Variants in IKZF2 observed in about 807,000 individuals in gnomAD.
IKZF2 encodes zinc finger protein Helios.
IKZF2 carries 15 observed loss-of-function variants against 49.2 expected under a neutral mutation model. That is an observed-to-expected ratio of 0.30 (90% confidence interval 0.20 to 0.47). IKZF2 has a LOEUF of 0.47. Among genes scored for constraint, IKZF2 ranks in the 20% least tolerant of loss-of-function variants. The probability of loss-of-function intolerance (pLI) is 1.00; values close to 1 mark genes in which losing one functional copy is unlikely to be tolerated. For missense variants in IKZF2, 567 were observed against 664.6 expected, an observed-to-expected ratio of 0.85 and a Z score of 1.61; for synonymous variants, 227 against 221.4, an observed-to-expected ratio of 1.03 and a Z score of -0.23.
intron 3 of IKZF2, 82 bp downstream of exon 3, chr2:213,148,514 T>C: frequency 1.1e-6 from 1 of 938,378 alleles, no homozygotes; most frequent in South Asian, 1.5e-5. Context: ...CTCAATAAAG[T>C]TTCATAATCC....
chr2:213,151,852 C>CGTGTGCGCGCGCGCGCGGGCTG (rs2126007402), upstream of IKZF2, among the ~76,000 whole-genome samples: 1 of 149,882 alleles, frequency 6.7e-6, no homozygotes, highest in East Asian at 1.9e-4. Flanking sequence ...TATGAGAGCG[C>CGTGTGCGCGCGCGCGCGGGCTG]GTGTGCGCGC....
At position 213,005,100 on chromosome 2, in the gene IKZF2, AG is replaced by A. The variant is rs1207105882; in HGVS notation, c.*2259del. ...ACATCCAAATGTTTCCTTAAATTGC[AG>A]TAAAAGACAAAATTGTGAACCTTAA... On this transcript the variant is annotated 3_prime_UTR_variant, in exon 9 of 9. Transcript: ENST00000434687. 3 of 151,766 alleles carry A rather than the reference AG, an allele frequency of 2.0e-5. No homozygotes were observed. Among genetic ancestry groups the A allele is most frequent in the African/African-American group, 7.3e-5 (3 of 41,266 alleles). The allele number at this position is 151,766 out of a possible 1,614,324, so 9.4% of individuals were successfully genotyped here.
Position 213,087,211 on chromosome 2 carries a change from A to C in IKZF2, c.140-30112T>G, listed in dbSNP as rs77394762. ...GCAGAGGAAAAAAAATGCTAATTTA[A>C]ACACTGCCTGTTGCTGTATTTGACT... On this transcript the variant is annotated intron_variant, in intron 4 of 8. Transcript: ENST00000434687. Among the ~76,000 whole-genome samples, 878 of 152,288 alleles carry C rather than the reference A, an allele frequency of 5.8e-3. 11 individuals are homozygous for C. The highest frequency in any genetic ancestry group is 0.02 in the African/African-American group (846 of 41,552).
chr2:213,151,845 G>C (rs1411524854), upstream of IKZF2, among the ~76,000 whole-genome samples: 1 of 149,766 alleles, frequency 6.7e-6, no homozygotes, highest in Non-Finnish European at 1.5e-5. Context: ...GTGTGTGTAT[G>C]AGAGCGCGTG....
intron 4 of IKZF2, among the ~76,000 whole-genome samples, chr2:213,058,482 T>C (rs1701378522): frequency 6.6e-6 from 1 of 151,968 alleles, no homozygotes; most frequent in Non-Finnish European, 1.5e-5. Context: ...CCTGGATATA[T>C]AGTGCTCTAT....
intron 7 of IKZF2, 131 bp from the exon 8 acceptor site, chr2:213,014,065 C>A: frequency 2.7e-6 from 2 of 730,274 alleles, no homozygotes; most frequent in Non-Finnish European, 2.3e-6. Flanking sequence ...AGAAAGAATA[C>A]CCTCTAGTGT....
At chr2:213,143,403 T>G (rs980521281) in intron 4 of IKZF2, among the ~76,000 whole-genome samples, 2 of 151,954 alleles carry the variant, frequency 1.3e-5, no homozygotes, top group Non-Finnish European at 2.9e-5. Context: ...CGGAATGAGG[T>G]GCAAAGAAAA....
chr2:213,130,390 T>G (rs1368693991), intron 4 of IKZF2, among the ~76,000 whole-genome samples: 1 of 152,152 alleles, frequency 6.6e-6, no homozygotes, highest in Non-Finnish European at 1.5e-5. Context: ...TCATCAAAGC[T>G]GTGCCTACCT....
intron 6 of IKZF2, among the ~76,000 whole-genome samples, chr2:213,042,418 C>G (rs7562970): frequency 0.57 from 87,091 of 151,990 alleles, 25,862 homozygotes; most frequent in East Asian, 0.76. Context: ...GGAGCTCATA[C>G]GTTCTTCTTT....
chr2:213,120,717 C>A (rs2060025659), intron 4 of IKZF2, among the ~76,000 whole-genome samples: 1 of 152,096 alleles, frequency 6.6e-6, no homozygotes, highest in Non-Finnish European at 1.5e-5. Context: ...TACAATTAGT[C>A]CTAAGAAATC....
Position 213,007,746 on chromosome 2 carries a change from A to G in IKZF2, c.1195T>C (p.Ser399Pro). The G allele has an allele frequency of 6.2e-7, 1 of 1,613,632 alleles. No individual in the cohort carries two copies. Among genetic ancestry groups the G allele is most frequent in the Admixed American group, 1.7e-5 (1 of 59,948 alleles). Residue 399 changes from serine (S) to proline (P), a missense_variant, in exon 9 of 9, where the codon TCT becomes CCT. By Grantham distance (74) the Ser-to-Pro change is moderately conservative. This residue lies in a region of IKZF2 where 310 missense variants were observed against 326.9 expected (regional missense o/e 0.95). Transcript: ENST00000434687. ...GAATCCAGGCAGCTATTGCTGGGAG[A>G]GGCCTCTCTTTCCTGGGGTCGACTC... The part of the protein sequence containing the change: ...PKSRPQEREA[S>P]PSNSCLDSTD...
intron 4 of IKZF2, among the ~76,000 whole-genome samples, chr2:213,139,572 T>TGC (rs1491267844): frequency 3.3e-5 from 5 of 151,642 alleles, no homozygotes; most frequent in African/African-American, 7.3e-5. Context: ...TGTGTGTGTG[T>TGC]GCTTTATTTT....
intron 4 of IKZF2, among the ~76,000 whole-genome samples, chr2:213,080,069 C>A (rs1574761743): frequency 6.6e-6 from 1 of 151,958 alleles, no homozygotes. Context: ...CCACAACTTA[C>A]AACTACAAAG....
intron 4 of IKZF2, among the ~76,000 whole-genome samples, chr2:213,099,049 TGAA>T (rs1244693321): frequency 6.6e-6 from 1 of 152,040 alleles, no homozygotes; most frequent in African/African-American, 2.4e-5. Context: ...ATGGACCAAA[TGAA>T]GAAAACAAGA....
At chr2:213,150,904 GT>G (rs199710880) in intron 1 of IKZF2, among the ~76,000 whole-genome samples, 1,555 of 138,900 alleles carry the variant, frequency 0.011, 22 homozygotes, top group Non-Finnish European at 0.013. Flanking sequence ...AGGGTTTTTG[GT>G]TTTTTTTTTT....
chr2:213,037,754 T>A (rs1699176499), intron 6 of IKZF2, among the ~76,000 whole-genome samples: 1 of 152,186 alleles, frequency 6.6e-6, no homozygotes, highest in African/African-American at 2.4e-5. Context: ...ACACTGCTTG[T>A]GTAATTATCA....
At chr2:213,043,485 A>C (rs1699860062) in intron 6 of IKZF2, among the ~76,000 whole-genome samples, 1 of 152,242 alleles carries the variant, frequency 6.6e-6, no homozygotes, top group Admixed American at 6.5e-5. Flanking sequence ...CTTTCTACCA[A>C]TAATAATATT....
intron 5 of IKZF2, among the ~76,000 whole-genome samples, chr2:213,053,509 T>C (rs1700866940): frequency 6.6e-6 from 1 of 152,188 alleles, no homozygotes; most frequent in African/African-American, 2.4e-5. Context: ...TGCTCCTATG[T>C]TGGGTGGAAC....
chr2:213,013,804 T>G lies in IKZF2; in HGVS notation c.843A>C (p.Pro281=). The G allele has an allele frequency of 6.2e-7, 1 of 1,609,868 alleles. No individual in the cohort carries two copies. Residue 281 remains proline (P), a synonymous_variant, in exon 8 of 9, where the codon CCA becomes CCC. Coordinates refer to ENST00000434687, the MANE Select transcript of IKZF2 (RefSeq NM_001387220.1). ...TGTAATGCTTACCCACAAACTTTTGTGGAGTGGAGCTTTTACGTTTTCCCA... is the reference window on the plus strand; with the variant it reads ...TGTAATGCTTACCCACAAACTTTTGGGGAGTGGAGCTTTTACGTTTTCCCA... ...GNMGKRKSST[P]QKFVGEKLMR... is the part of the protein sequence containing the mutation.
Sources: allele counts gnomAD v4.1 joint callset (sites outside exome capture counted in the v4.1 genomes callset), GRCh38; gene constraint gnomAD v4.1.1; regional missense constraint gnomAD v4.1.1; transcripts MANE v1.5; gene names NCBI Gene and HGNC (gene_info 2026-07-23, HGNC 2026-07-21).